Variants in MN1 observed in about 807,000 individuals in gnomAD.
MN1 encodes transcriptional activator MN1.
Under a neutral mutation model 86.9 loss-of-function variants are expected in MN1, and 19 were observed. The ratio of observed to expected loss-of-function variants is 0.22; its 90% CI spans 0.15 to 0.32. The LOEUF is 0.32. Among genes scored for constraint, MN1 ranks in the 10% least tolerant of loss-of-function variants. The pLI, the probability that MN1 is intolerant of heterozygous loss-of-function variation, is 1.00. For synonymous variants in MN1, 928 were observed against 849.6 expected, an observed-to-expected ratio of 1.09 and a Z score of -1.60; for missense variants, 1,841 against 1,862.0, an observed-to-expected ratio of 0.99 and a Z score of 0.21.
At position 27,799,358 on chromosome 22, in the gene MN1, C is replaced by G; in HGVS notation, c.1186G>C (p.Gly396Arg). ...TGCTGGCTGGGCAGCATGGGGCCTC[C>G]GTCCTGCAGGCCGCCGCTGGGCGTG... ...AGTPSGGLQDGGPMLPSQHAQ... is the reference protein window; with the variant it reads ...AGTPSGGLQDRGPMLPSQHAQ... The change falls in exon 1 of 2, where the codon GGA (glycine) becomes CGA (arginine). Residue 396 changes from glycine (G) to arginine (R), a missense_variant. By Grantham distance (125) the Gly-to-Arg change is moderately radical. Transcript: ENST00000302326. 2 of 1,573,986 alleles carry G rather than the reference C, an allele frequency of 1.3e-6. No homozygotes were observed. Among genetic ancestry groups the G allele is most frequent in the African/African-American group, 1.4e-5 (1 of 74,062 alleles).
chr22:27,759,118 G>A (rs575870764), intron 1 of MN1, among the ~76,000 whole-genome samples: 118 of 152,204 alleles, frequency 7.8e-4, no homozygotes, highest in African/African-American at 1.5e-3. Context: ...ATGAGCCACC[G>A]TGCTCAGTCA....
chr22:27,767,222 C>A (rs1932876443), intron 1 of MN1, among the ~76,000 whole-genome samples: 1 of 152,078 alleles, frequency 6.6e-6, no homozygotes. Flanking sequence ...CCTAAAGAGT[C>A]CCTAAAATGA....
intron 1 of MN1, among the ~76,000 whole-genome samples, chr22:27,758,290 G>T (rs978313177): frequency 9.9e-5 from 15 of 152,238 alleles, no homozygotes; most frequent in Admixed American, 6.5e-4. Flanking sequence ...TGCTGCTGCG[G>T]TTTTTTCTGC....
At chr22:27,769,983 G>C (rs1309762701) in intron 1 of MN1, among the ~76,000 whole-genome samples, 1 of 152,148 alleles carries the variant, frequency 6.6e-6, no homozygotes, top group African/African-American at 2.4e-5. Context: ...ATGAGGAAAA[G>C]GAGAGTCGAT....
intron 1 of MN1, among the ~76,000 whole-genome samples, chr22:27,783,469 A>G (rs549337657): frequency 6.6e-6 from 1 of 152,232 alleles, no homozygotes; most frequent in Non-Finnish European, 1.5e-5. Context: ...GGAAACCTCT[A>G]GTTTAAGACC....
At chr22:27,779,208 G>A (rs1459256017) in intron 1 of MN1, among the ~76,000 whole-genome samples, 1 of 152,168 alleles carries the variant, frequency 6.6e-6, no homozygotes, top group Non-Finnish European at 1.5e-5. Context: ...ATGCACTCCT[G>A]CAACAAAGCA....
intron 1 of MN1, among the ~76,000 whole-genome samples, chr22:27,789,546 C>CA (rs1387400585): frequency 6.6e-6 from 1 of 152,180 alleles, no homozygotes; most frequent in East Asian, 1.9e-4. Flanking sequence ...TCGCTGGACT[C>CA]AGAGCTTTCA....
chr22:27,794,353 G>A (rs945739418), intron 1 of MN1, among the ~76,000 whole-genome samples: 14 of 152,146 alleles, frequency 9.2e-5, no homozygotes, highest in African/African-American at 3.4e-4. Context: ...CAGAAGCTTC[G>A]AGTGACCTCA....
intron 1 of MN1, among the ~76,000 whole-genome samples, chr22:27,770,923 G>A (rs968096179): frequency 3.3e-5 from 5 of 151,732 alleles, no homozygotes; most frequent in African/African-American, 1.2e-4. Context: ...GCCTCCCAAA[G>A]TGCTGGGATT....
At chr22:27,784,249 C>T (rs996313303) in intron 1 of MN1, among the ~76,000 whole-genome samples, 1 of 152,214 alleles carries the variant, frequency 6.6e-6, no homozygotes, top group Non-Finnish European at 1.5e-5. Flanking sequence ...TCCTCCCAGG[C>T]CAGGCCAGGC....
chr22:27,784,059 G>A (rs1027909927), intron 1 of MN1, among the ~76,000 whole-genome samples: 7 of 152,198 alleles, frequency 4.6e-5, no homozygotes, highest in African/African-American at 1.2e-4. Context: ...GCAGAGAGCC[G>A]GCCCCTGAGA....
rs1283317656 is a variant in MN1 at position 27,750,859 on chromosome 22, G to GGA, written c.*54_*55dup. 1 of 1,458,008 alleles carries GGA rather than the reference G, an allele frequency of 6.9e-7. No homozygotes were observed. The highest frequency in any genetic ancestry group is 1.4e-5 in the African/African-American group (1 of 70,644). The allele number at this position is 1,458,008 out of a possible 1,614,324, so 90.3% of individuals were successfully genotyped here. ...GGGGTGGGGTAAGGTTGAGGGGGAAGGAAACAGACAGGGGGAGAGGAAGGG... is the reference window on the plus strand; with the variant it reads ...GGGGTGGGGTAAGGTTGAGGGGGAAGGAGAAACAGACAGGGGGAGAGGAAGGG... On this transcript the variant is annotated 3_prime_UTR_variant, in exon 2 of 2. Coordinates refer to ENST00000302326, the MANE Select transcript of MN1 (RefSeq NM_002430.3).
chr22:27,788,694 C>T (rs898435322), intron 1 of MN1, among the ~76,000 whole-genome samples: 7 of 148,082 alleles, frequency 4.7e-5, no homozygotes, highest in South Asian at 2.1e-4. Context: ...TGTGTGTGCA[C>T]GCGTGTGTGT....
chr22:27,780,703 C>T (rs550588905), intron 1 of MN1, among the ~76,000 whole-genome samples: 5 of 152,308 alleles, frequency 3.3e-5, no homozygotes, highest in African/African-American at 9.6e-5. Context: ...ACTAGGAACT[C>T]TCACGCACAT....
At chr22:27,761,313 T>C (rs77705688) in intron 1 of MN1, among the ~76,000 whole-genome samples, 20,594 of 151,296 alleles carry the variant, frequency 0.14, 1,747 homozygotes, top group Middle Eastern at 0.23. Flanking sequence ...ATTCTTCCTC[T>C]TTCTGCCCCT....
At position 27,796,649 on chromosome 22, in the gene MN1, A is replaced by G; in HGVS notation, c.3781+114T>C. On this transcript the variant is annotated intron_variant, in intron 1 of 1. Transcript: ENST00000302326. ...GATAACCAGCTCCTAGTTGGGGATT[A>G]GGAGGGTTTGTGCCCTCCAAACCTC... The G allele has an allele frequency of 5.6e-6, 6 of 1,064,990 alleles. No individual in the cohort carries two copies. The South Asian group carries it at 6.2e-5, about 11-fold the overall frequency. 66.0% of individuals were successfully genotyped at this position (1,064,990 alleles called of 1,614,324 possible).
In MN1 at chr22:27,763,676, G is replaced by A. The variant is rs529276091; in HGVS notation, c.3782-12580C>T. ...GAGTCCTCGTGAGGCCACTAACAAC[G>A]TGGCAATGAGCTGATCACAGCCACA... On this transcript the variant is annotated intron_variant, in intron 1 of 1. Transcript: ENST00000302326. 3.3e-5 allele frequency among the ~76,000 whole-genome samples: 5 copies of A among 152,330 alleles called. No individual in the cohort carries two copies. In the East Asian group the frequency reaches 5.8e-4, roughly 18 times the overall value.
chr22:27,781,784 G>A (rs887280819), intron 1 of MN1, among the ~76,000 whole-genome samples: 2 of 152,072 alleles, frequency 1.3e-5, no homozygotes, highest in Admixed American at 6.5e-5. Context: ...GCCAGGATTC[G>A]ATCCCAGGCT....
At chr22:27,755,565 T>C (rs150198916) in intron 1 of MN1, among the ~76,000 whole-genome samples, 32 of 152,290 alleles carry the variant, frequency 2.1e-4, no homozygotes, top group Admixed American at 3.9e-4. Context: ...CTGCTCTTTC[T>C]CCTCCCAAAA....
Sources: allele counts gnomAD v4.1 joint callset (sites outside exome capture counted in the v4.1 genomes callset), GRCh38; gene constraint gnomAD v4.1.1; transcripts MANE v1.5; gene names NCBI Gene and HGNC (gene_info 2026-07-23, HGNC 2026-07-21).